IL1RAPL1: variants seen among roughly 807,000 people sequenced by gnomAD.
The protein encoded by IL1RAPL1 is interleukin 1 receptor accessory protein like 1.
Under a neutral mutation model 48.4 loss-of-function variants are expected in IL1RAPL1, and 3 were observed. The ratio of observed to expected loss-of-function variants is 0.06; its 90% confidence interval spans 0.03 to 0.16. The LOEUF is 0.16. IL1RAPL1 is among the 10% of genes least tolerant of loss of function. IL1RAPL1 has a pLI of 1.00. For missense variants in IL1RAPL1, 349 were observed against 530.6 expected, an observed-to-expected ratio of 0.66 and a Z score of 3.36; for synonymous variants, 185 against 187.7, an observed-to-expected ratio of 0.99 and a Z score of 0.12.
chrX:29,780,048 G>A (rs1929298683), intron 6 of IL1RAPL1, among the ~76,000 whole-genome samples: 1 of 110,593 alleles, frequency 9.0e-6, no homozygotes, highest in Non-Finnish European at 1.9e-5. Flanking sequence ...CTGACGAAGG[G>A]TGTATTTTTA....
At chrX:29,324,499 G>A (rs766496799) in intron 3 of IL1RAPL1, among the ~76,000 whole-genome samples, 16 of 111,768 alleles carry the variant, frequency 1.4e-4, no homozygotes, top group Middle Eastern at 4.6e-3. Flanking sequence ...TCTGTGCAGC[G>A]TTCCTTCCTC....
At chrX:29,232,833 C>A (rs1174473785) in intron 2 of IL1RAPL1, among the ~76,000 whole-genome samples, 1 of 110,326 alleles carries the variant, frequency 9.1e-6, no homozygotes, top group Non-Finnish European at 1.9e-5. Flanking sequence ...GTGTCTTGCT[C>A]TGTCGCCCAG....
At chrX:29,182,169 C>T (rs900348135) in intron 2 of IL1RAPL1, among the ~76,000 whole-genome samples, 1 of 110,323 alleles carries the variant, frequency 9.1e-6, no homozygotes, top group Admixed American at 9.8e-5. Context: ...TTGACTTGAT[C>T]ACTGATAGCC....
At chrX:28,701,264 T>G (rs748178344) in intron 1 of IL1RAPL1, among the ~76,000 whole-genome samples, 1 of 112,108 alleles carries the variant, frequency 8.9e-6, no homozygotes, top group Admixed American at 9.5e-5. Context: ...ATTTGGACCT[T>G]ATTTCCAATA....
At chrX:29,699,803 T>A (rs1040818580) in intron 6 of IL1RAPL1, among the ~76,000 whole-genome samples, 1 of 112,520 alleles carries the variant, frequency 8.9e-6, no homozygotes, top group African/African-American at 3.2e-5. Context: ...ACTTCTAGAC[T>A]GGCCTAAAGA....
intron 2 of IL1RAPL1, among the ~76,000 whole-genome samples, chrX:29,027,740 G>A (rs1477120060): frequency 5.4e-5 from 6 of 111,471 alleles, no homozygotes; most frequent in Admixed American, 3.8e-4. Context: ...TCTAATAGTT[G>A]TGTAGTGCTA....
intron 6 of IL1RAPL1, among the ~76,000 whole-genome samples, chrX:29,700,909 A>G (rs147758182): frequency 1.4e-3 from 155 of 112,077 alleles, no homozygotes; most frequent in African/African-American, 4.7e-3. Context: ...GGAAAATTCC[A>G]TGATTTGCCA....
intron 1 of IL1RAPL1, among the ~76,000 whole-genome samples, chrX:28,746,070 A>T (rs1935973432): frequency 1.8e-5 from 2 of 111,680 alleles, no homozygotes; most frequent in South Asian, 7.6e-4. Flanking sequence ...TTATACTTTA[A>T]GTTCTAGGGT....
At chrX:29,412,296 TTTAG>T (rs1454679307) in intron 5 of IL1RAPL1, among the ~76,000 whole-genome samples, 2 of 90,390 alleles carry the variant, frequency 2.2e-5, no homozygotes, top group South Asian at 4.5e-4. Flanking sequence ...AAATTCTTGT[TTTAG>T]TTAGTTAGAG....
chrX:28,762,823 C>G (rs774503719), intron 1 of IL1RAPL1, among the ~76,000 whole-genome samples: 2,116 of 36,449 alleles, frequency 0.058, 48 homozygotes, highest in African/African-American at 0.078. Context: ...CACACACACA[C>G]AGAGAGAGAG....
chrX:29,316,750 G>A (rs1932771712), intron 3 of IL1RAPL1, among the ~76,000 whole-genome samples: 1 of 111,799 alleles, frequency 8.9e-6, no homozygotes, highest in Non-Finnish European at 1.9e-5. Context: ...AATGTTTTAA[G>A]TTAAGATAAG....
At chrX:29,385,942 A>T (rs868767098) in intron 3 of IL1RAPL1, among the ~76,000 whole-genome samples, 3 of 112,382 alleles carry the variant, frequency 2.7e-5, no homozygotes, top group South Asian at 3.7e-4. Flanking sequence ...ACCAATTTAC[A>T]TTCTACCAGT....
intron 6 of IL1RAPL1, among the ~76,000 whole-genome samples, chrX:29,725,498 C>A (rs1377952716): frequency 9.0e-6 from 1 of 111,504 alleles, no homozygotes; most frequent in African/African-American, 3.3e-5. Flanking sequence ...GGCCTCCTAA[C>A]TAGATCAGTG....
chrX:29,410,231 G>A (rs1236377283), intron 5 of IL1RAPL1, among the ~76,000 whole-genome samples: 1 of 110,333 alleles, frequency 9.1e-6, no homozygotes, highest in Non-Finnish European at 1.9e-5. Flanking sequence ...GGGAGGCTGA[G>A]GTGGGCAGAT....
intron 6 of IL1RAPL1, among the ~76,000 whole-genome samples, chrX:29,744,457 C>G (rs1281936545): frequency 2.7e-5 from 3 of 112,120 alleles, no homozygotes; most frequent in African/African-American, 9.7e-5. Flanking sequence ...TATTCTGGTC[C>G]ACTTTGAAAG....
At chrX:29,267,973 C>T (rs1235906776) in intron 2 of IL1RAPL1, among the ~76,000 whole-genome samples, 1 of 111,288 alleles carries the variant, frequency 9.0e-6, no homozygotes, top group African/African-American at 3.3e-5. Context: ...GAGAATGATG[C>T]ATGCAATACA....
intron 1 of IL1RAPL1, among the ~76,000 whole-genome samples, chrX:28,652,791 A>AT (rs58460550): frequency 8.8e-4 from 91 of 103,143 alleles, no homozygotes; most frequent in Admixed American, 1.6e-3. Context: ...CTGTGACGTG[A>AT]TTTTTTTTTT....
At chrX:28,993,305 A>G (rs896742354) in intron 2 of IL1RAPL1, among the ~76,000 whole-genome samples, 1 of 111,921 alleles carries the variant, frequency 8.9e-6, no homozygotes, top group Non-Finnish European at 1.9e-5. Context: ...TATTATTGCT[A>G]TATGATATAA....
intron 5 of IL1RAPL1, among the ~76,000 whole-genome samples, chrX:29,531,229 TC>T (rs1266818533): frequency 2.7e-5 from 3 of 110,724 alleles, no homozygotes; most frequent in Non-Finnish European, 3.8e-5. Context: ...TGCTACCTGT[TC>T]TTGAAAATGA....
Sources: gnomAD v4.1 joint callset for allele counts (sites outside exome capture counted in the v4.1 genomes callset) on GRCh38, gnomAD v4.1.1 for gene constraint, MANE v1.5 for transcripts, NCBI Gene and HGNC (gene_info 2026-07-23, HGNC 2026-07-21) for gene names.